Variants in PLBD1 observed in about 807,000 individuals in gnomAD.
The protein encoded by PLBD1 is phospholipase B domain containing 1, also known as lysosomal leucine aminopeptidase.
PLBD1 carries 60 observed loss-of-function variants against 63.0 expected under a neutral mutation model. That is an observed-to-expected ratio of 0.95 (90% CI 0.77 to 1.18). The LOEUF (loss-of-function observed/expected upper bound fraction) is 1.18. Ranked by LOEUF, PLBD1 falls within the 50% of genes most tolerant of loss-of-function variation. The pLI, the probability that PLBD1 is intolerant of heterozygous loss-of-function variation, is 0.00. For synonymous variants in PLBD1, 262 were observed against 248.0 expected (o/e 1.06, Z -0.53); for missense variants, 598 against 677.9 (o/e 0.88, Z 1.31).
chr12:14,512,579 G>T (rs1485771328), intron 6 of PLBD1, among the ~76,000 whole-genome samples: 2 of 152,172 alleles, frequency 1.3e-5, no homozygotes, highest in African/African-American at 4.8e-5. Context: ...GAAAATCAGT[G>T]AAGCCACAGT....
At chr12:14,559,964 G>A (rs565799213) in intron 1 of PLBD1, among the ~76,000 whole-genome samples, 8 of 151,928 alleles carry the variant, frequency 5.3e-5, no homozygotes, top group East Asian at 1.9e-4. Flanking sequence ...GGGTTCAAGC[G>A]ATTCTCCTGC....
At chr12:14,543,834 TTATACTTGCTAAAG>T (rs1472692415) in intron 2 of PLBD1, among the ~76,000 whole-genome samples, 4 of 152,252 alleles carry the variant, frequency 2.6e-5, no homozygotes, top group Non-Finnish European at 5.9e-5. Context: ...TTCCCTACTA[TTATACTTGCTAAAG>T]TATATCCTCT....
intron 1 of PLBD1, among the ~76,000 whole-genome samples, chr12:14,555,114 T>C (rs189332293): frequency 1.1e-4 from 16 of 152,322 alleles, no homozygotes; most frequent in Admixed American, 7.8e-4. Context: ...CGTTTAAGTA[T>C]AGAAGAGGAC....
At chr12:14,536,268 C>T in intron 5 of PLBD1, 1 of 301,660 alleles carries the variant, frequency 3.3e-6, no homozygotes, top group South Asian at 4.5e-5. Flanking sequence ...CACTGCACTC[C>T]AGCCTGGGCA....
intron 1 of PLBD1, among the ~76,000 whole-genome samples, chr12:14,560,094 A>C (rs1945734588): frequency 1.3e-5 from 2 of 152,196 alleles, no homozygotes; most frequent in Admixed American, 1.3e-4. Flanking sequence ...TCTTGACCTC[A>C]GGTGATTTGC....
chr12:14,503,838 G>T lies in PLBD1; in HGVS notation c.1596C>A (p.Gly532=), dbSNP rs1251208046. 1 of 1,613,814 alleles carries T rather than the reference G, an allele frequency of 6.2e-7. No homozygotes were observed. Among genetic ancestry groups the T allele is most frequent in the Admixed American group, 1.7e-5 (1 of 60,020 alleles). Residue 532 remains glycine, a synonymous_variant, in exon 11 of 11, where the codon GGC becomes GGA. Transcript: ENST00000240617. Reference sequence around the variant, plus strand: ...AATCAAAGTTGTAGACCTCTGGCATGCCCTGATGTAGAGTTTTGTTGAAAC... The same window carrying T: ...AATCAAAGTTGTAGACCTCTGGCATTCCCTGATGTAGAGTTTTGTTGAAAC... ...WDRFNKTLHQ[G]MPEVYNFDFI... is the part of the protein sequence containing the mutation.
intron 1 of PLBD1, among the ~76,000 whole-genome samples, chr12:14,557,335 G>T (rs1945713875): frequency 6.6e-6 from 1 of 152,002 alleles, no homozygotes; most frequent in African/African-American, 2.4e-5. Context: ...AATATAAATT[G>T]TTCTGTCATA....
At chr12:14,555,964 A>G (rs1160063408) in intron 1 of PLBD1, among the ~76,000 whole-genome samples, 2 of 152,254 alleles carry the variant, frequency 1.3e-5, no homozygotes, top group Non-Finnish European at 2.9e-5. Flanking sequence ...TGCCTGGCCC[A>G]TAATGGGTAC....
intron 2 of PLBD1, among the ~76,000 whole-genome samples, chr12:14,545,665 G>A (rs1002607880): frequency 2.6e-5 from 4 of 152,152 alleles, no homozygotes; most frequent in Non-Finnish European, 5.9e-5. Context: ...CCTACACTTT[G>A]AAACTTCAGA....
At chr12:14,529,391 C>T (rs140641761) in intron 6 of PLBD1, among the ~76,000 whole-genome samples, 61 of 152,002 alleles carry the variant, frequency 4.0e-4, no homozygotes, top group African/African-American at 1.2e-3. Context: ...ATCATTAACA[C>T]GTTAGTAAAC....
intron 6 of PLBD1, among the ~76,000 whole-genome samples, chr12:14,514,280 G>C (rs1198288390): frequency 6.6e-6 from 1 of 152,210 alleles, no homozygotes; most frequent in Non-Finnish European, 1.5e-5. Flanking sequence ...TTGCATTCGT[G>C]TCTTGGGCTG....
Position 14,563,475 on chromosome 12 carries a change from G to A in PLBD1, c.115+4107C>T, listed in dbSNP as rs117682087. Among the ~76,000 whole-genome samples the A allele has an allele frequency of 1.3e-3, 205 of 152,102 alleles. 5 individuals are homozygous for A. In the East Asian group the frequency reaches 0.035, roughly 26 times the overall value. On this transcript the variant is annotated intron_variant, in intron 1 of 10. Coordinates refer to ENST00000240617, the MANE Select transcript of PLBD1 (RefSeq NM_024829.6). ...GGAGGTTGCACGGAGCCAAGATCGC[G>A]CCTTTGCACTCCAGCTTGGGCAACA... is the stretch of plus-strand genomic sequence containing the variant.
intron 4 of PLBD1, among the ~76,000 whole-genome samples, chr12:14,537,088 C>CAAAA (rs371859037): frequency 1.9e-5 from 1 of 53,422 alleles, no homozygotes; most frequent in Non-Finnish European, 4.1e-5. Flanking sequence ...GACCGCATCT[C>CAAAA]AAAAAAAAAA....
chr12:14,526,531 C>A (rs1299090960), intron 6 of PLBD1, among the ~76,000 whole-genome samples: 1 of 152,138 alleles, frequency 6.6e-6, no homozygotes, highest in Non-Finnish European at 1.5e-5. Flanking sequence ...TAAAGTGGAG[C>A]ACTTACACTA....
intron 5 of PLBD1, 138 bp downstream of exon 5, chr12:14,536,432 C>T: frequency 1.1e-6 from 1 of 912,098 alleles, no homozygotes; most frequent in East Asian, 2.6e-5. Context: ...ACTTCCAGTT[C>T]TTAACTTCTA....
At chr12:14,503,982 T>TTTTTTTTTTAATGTTAAC in intron 10 of PLBD1, 28 bp from the exon 11 acceptor site, 1 of 1,571,382 alleles carries the variant, frequency 6.4e-7, no homozygotes, top group African/African-American at 1.4e-5. Flanking sequence ...GAGGACATTT[T>TTTTTTTTTTAATGTTAAC]AGAAAATCAT....
chr12:14,560,148 C>G (rs1160694786), intron 1 of PLBD1, among the ~76,000 whole-genome samples: 1 of 152,254 alleles, frequency 6.6e-6, no homozygotes, highest in Non-Finnish European at 1.5e-5. Flanking sequence ...GCATGAGCCA[C>G]TGCGCCCAGC....
At chr12:14,517,310 T>C (rs1368870037) in intron 6 of PLBD1, among the ~76,000 whole-genome samples, 2 of 152,064 alleles carry the variant, frequency 1.3e-5, no homozygotes, top group African/African-American at 2.4e-5. Flanking sequence ...CACACCTGGC[T>C]AAATTTTTTA....
chr12:14,553,210 C>A lies in PLBD1; in HGVS notation c.318G>T (p.Glu106Asp). The change falls in exon 2 of 11, where the codon GAG (glutamate) becomes GAT (aspartate). Residue 106 changes from glutamate (E) to aspartate (D), a missense_variant. Coordinates refer to ENST00000240617, the MANE Select transcript of PLBD1 (RefSeq NM_024829.6). Reference protein sequence around the residue: ...EIIMFVAGFLEGYLTAPHMND... With the variant: ...EIIMFVAGFLDGYLTAPHMND... ...ATACTTACGGGGCAGTGAGGTAACCCTCCAAAAAGCCAGCCACAAACATGA... is the reference window on the plus strand; with the variant it reads ...ATACTTACGGGGCAGTGAGGTAACCATCCAAAAAGCCAGCCACAAACATGA... The A allele has an allele frequency of 1.2e-6, 2 of 1,612,198 alleles. No individual in the cohort carries two copies. The highest frequency in any genetic ancestry group is 8.5e-7 in the Non-Finnish European group (1 of 1,179,358).
Sources: allele counts gnomAD v4.1 joint callset (sites outside exome capture counted in the v4.1 genomes callset), GRCh38; gene constraint gnomAD v4.1.1; transcripts MANE v1.5; gene names NCBI Gene and HGNC (gene_info 2026-07-23, HGNC 2026-07-21).